PDIA4: variants seen among roughly 807,000 people sequenced by gnomAD.
The protein encoded by PDIA4 is protein disulfide isomerase family A member 4, also known as protein disulfide-isomerase A4.
Under a neutral mutation model 62.1 loss-of-function variants are expected in PDIA4, and 33 were observed. The observed-to-expected ratio is 0.53, with a 90% CI of 0.40 to 0.71. The LOEUF is 0.71. Ranked by LOEUF, PDIA4 falls within the 30% of genes least tolerant of loss-of-function variation. The pLI is 0.00. For missense variants in PDIA4, 804 were observed against 813.6 expected, an observed-to-expected ratio of 0.99 and a Z score of 0.14; for synonymous variants, 341 against 324.1, an observed-to-expected ratio of 1.05 and a Z score of -0.56.
chr7:149,020,914 G>A, intron 2 of PDIA4, 53 bp downstream of exon 2: 1 of 1,584,982 alleles, frequency 6.3e-7, no homozygotes, highest in Admixed American at 1.7e-5. Flanking sequence ...GAAGGGCTGA[G>A]CGAATGGAGC....
Position 149,022,628 on chromosome 7 carries a change from G to A in PDIA4, c.89-1481C>T, listed in dbSNP as rs76465191. On this transcript the variant is annotated intron_variant, in intron 1 of 9. Coordinates refer to ENST00000652332, the MANE Select transcript of PDIA4 (RefSeq NM_004911.5). Reference sequence around the variant, plus strand: ...AGTTACTGTTTTGGGCTGTGGATGAGGTCAGGGTCTGAAAACCTGCCCCTG... The same window carrying A: ...AGTTACTGTTTTGGGCTGTGGATGAAGTCAGGGTCTGAAAACCTGCCCCTG... Among the ~76,000 whole-genome samples the A allele has an allele frequency of 7.0e-3, 1,072 of 152,194 alleles. 6 individuals carry two copies. Among genetic ancestry groups the A allele is most frequent in the Middle Eastern group, 0.048 (14 of 294 alleles).
At chr7:149,020,269 T>C (rs750752588) in intron 2 of PDIA4, among the ~76,000 whole-genome samples, 26 of 152,206 alleles carry the variant, frequency 1.7e-4, no homozygotes, top group Non-Finnish European at 2.8e-4. Context: ...CCTATTTCCA[T>C]GTTTTAAATA....
At chr7:149,023,735 T>C (rs1824437785) in intron 1 of PDIA4, among the ~76,000 whole-genome samples, 1 of 152,118 alleles carries the variant, frequency 6.6e-6, no homozygotes, top group African/African-American at 2.4e-5. Flanking sequence ...AGCATAAGAC[T>C]GACGTTTGCA....
chr7:149,014,934 T>G lies in PDIA4; in HGVS notation c.584A>C (p.Asp195Ala). 6.2e-7 allele frequency: 1 copy of G among 1,613,846 alleles called. No individual in the cohort carries two copies. The highest frequency in any genetic ancestry group is 8.5e-7 in the Non-Finnish European group (1 of 1,179,722). The change falls in exon 4 of 10, where the codon GAT becomes GCT. Residue 195 changes from aspartate (D) to alanine (A), a missense_variant. By Grantham distance (126) the Asp-to-Ala change is moderately radical. Transcript: ENST00000652332. ...ENFDEVVNDA[D>A]IILVEFYAPW... is the part of the protein sequence containing the mutation. ...GGCATAAAACTCCACCAGAATGATA[T>G]CTGCATCATTCACAACTTCATCAAA... is the stretch of plus-strand genomic sequence containing the variant.
intron 9 of PDIA4, among the ~76,000 whole-genome samples, 172 bp downstream of exon 9, chr7:149,004,969 G>A (rs1371180039): frequency 1.3e-5 from 2 of 152,178 alleles, no homozygotes; most frequent in African/African-American, 2.4e-5. Context: ...GGTCACACCC[G>A]ACATTTCTCT....
rs763615906 is a variant in PDIA4 at position 149,008,206 on chromosome 7, T to G, written c.1084A>C (p.Lys362Gln). The G allele has an allele frequency of 6.2e-7, 1 of 1,614,132 alleles. No homozygotes were observed. Among genetic ancestry groups the G allele is most frequent in the East Asian group, 2.2e-5 (1 of 44,878 alleles). The change falls in exon 7 of 10, where the codon AAA becomes CAA. Residue 362 changes from lysine (K) to glutamine (Q), a missense_variant. By Grantham distance (53) the Lys-to-Gln change is moderately conservative (BLOSUM62 1). Coordinates refer to ENST00000652332, the MANE Select transcript of PDIA4 (RefSeq NM_004911.5). ...QGQLVVMQPE[K>Q]FQSKYEPRSH... is the part of the protein sequence containing the mutation. ...CGGGGCTCATACTTGGACTGGAATT[T>G]CTCAGGCTGCATTACAACCAACTGC...
intron 1 of PDIA4, among the ~76,000 whole-genome samples, chr7:149,025,356 CTGA>C (rs1167340371): frequency 6.6e-6 from 1 of 152,164 alleles, no homozygotes; most frequent in Non-Finnish European, 1.5e-5. Context: ...CCGTCCTCAG[CTGA>C]TCACTCTCAT....
At chr7:149,017,908 A>G (rs986542249) in intron 3 of PDIA4, among the ~76,000 whole-genome samples, 22 of 152,288 alleles carry the variant, frequency 1.4e-4, no homozygotes, top group African/African-American at 5.3e-4. Context: ...AATTTTGAGC[A>G]TGCAGCAGCC....
At position 149,012,284 on chromosome 7, in the gene PDIA4, G is replaced by C. The variant is rs1264098827; in HGVS notation, c.691C>G (p.Pro231Ala). The C allele has an allele frequency of 2.5e-6, 4 of 1,614,166 alleles. No homozygotes were observed. In the East Asian group the frequency reaches 8.9e-5, roughly 36 times the overall value. ...KELSKRSPPIPLAKVDATAET... is the reference protein window; with the variant it reads ...KELSKRSPPIALAKVDATAET... ...GCGGTGGCGTCGACCTTTGCCAGGGGAATTGGAGGAGAACGCTTGCTGAGC... is the reference window on the plus strand; with the variant it reads ...GCGGTGGCGTCGACCTTTGCCAGGGCAATTGGAGGAGAACGCTTGCTGAGC... Residue 231 changes from proline (P) to alanine (A), a missense_variant, in exon 5 of 10, where the codon CCC becomes GCC. Coordinates refer to ENST00000652332, the MANE Select transcript of PDIA4 (RefSeq NM_004911.5).
At chr7:149,021,188 G>A in intron 1 of PDIA4, 41 bp from the exon 2 acceptor site, 1 of 1,542,650 alleles carries the variant, frequency 6.5e-7, no homozygotes, top group Non-Finnish European at 8.7e-7. Context: ...AGCTGGTGGT[G>A]ACTCTCCTTA....
At chr7:149,004,847 G>A (rs1230397579) in intron 9 of PDIA4, among the ~76,000 whole-genome samples, 1 of 152,222 alleles carries the variant, frequency 6.6e-6, no homozygotes, top group African/African-American at 2.4e-5. Flanking sequence ...CCCTGAGATG[G>A]ACTCCGAATC....
At chr7:149,013,700 A>G (rs1336623920) in intron 4 of PDIA4, among the ~76,000 whole-genome samples, 1 of 152,160 alleles carries the variant, frequency 6.6e-6, no homozygotes, top group Non-Finnish European at 1.5e-5. Context: ...CAAAACAAAA[A>G]AAACAAACAA....
intron 1 of PDIA4, chr7:149,028,026 A>C (rs886720492): frequency 8.3e-5 from 51 of 611,824 alleles, no homozygotes; most frequent in Non-Finnish European, 1.4e-4. Context: ...AGCTGCAAAA[A>C]AGGCGCTCTG....
intron 6 of PDIA4, 70 bp downstream of exon 6, chr7:149,011,776 T>C: frequency 7.5e-7 from 1 of 1,327,624 alleles, no homozygotes. Flanking sequence ...AGGAGCTTTC[T>C]GAAAAACCAG....
At chr7:149,018,409 C>T (rs1373082111) in intron 3 of PDIA4, among the ~76,000 whole-genome samples, 1 of 151,842 alleles carries the variant, frequency 6.6e-6, no homozygotes, top group Non-Finnish European at 1.5e-5. Context: ...GACCCGTGAC[C>T]TCTGATGTCA....
At chr7:149,021,225 T>C (rs2129505472) in intron 1 of PDIA4, 78 bp from the exon 2 acceptor site, 5 of 1,454,682 alleles carry the variant, frequency 3.4e-6, no homozygotes, top group Admixed American at 2.1e-5. Context: ...GCGCGGTGGC[T>C]CACACTTGTA....
intron 3 of PDIA4, 99 bp from the exon 4 acceptor site, chr7:149,015,141 C>A: frequency 8.0e-7 from 1 of 1,257,038 alleles, no homozygotes; most frequent in Non-Finnish European, 1.1e-6. Flanking sequence ...AAGCAAGTGT[C>A]GGGGCCCACA....
intron 1 of PDIA4, among the ~76,000 whole-genome samples, chr7:149,025,233 A>G (rs1824511223): frequency 6.6e-6 from 1 of 151,856 alleles, no homozygotes; most frequent in African/African-American, 2.4e-5. Flanking sequence ...GAAGTGGGGG[A>G]CCCTCACCTG....
chr7:149,011,266 G>A (rs539954116), intron 6 of PDIA4, among the ~76,000 whole-genome samples: 84 of 152,254 alleles, frequency 5.5e-4, no homozygotes, highest in African/African-American at 1.8e-3. Flanking sequence ...CAAGGCAGAC[G>A]ATGGATTTCA....
Sources: allele counts gnomAD v4.1 joint callset (sites outside exome capture counted in the v4.1 genomes callset), GRCh38; gene constraint gnomAD v4.1.1; transcripts MANE v1.5; gene names NCBI Gene and HGNC (gene_info 2026-07-23, HGNC 2026-07-21).